RPTOR: variants seen among roughly 807,000 people sequenced by gnomAD.
RPTOR encodes regulatory-associated protein of mTOR.
A neutral mutation model predicts 169.9 loss-of-function variants in RPTOR; 21 were observed. That is an observed-to-expected ratio of 0.12 (90% CI 0.09 to 0.18). The LOEUF is 0.18. Among genes scored for constraint, RPTOR ranks in the 10% least tolerant of loss-of-function variants. The pLI, the probability that RPTOR is intolerant of heterozygous loss-of-function variation, is 1.00. For missense variants in RPTOR, 1,133 were observed against 1,855.9 expected (o/e 0.61, Z 7.16); for synonymous variants, 732 against 753.2 (o/e 0.97, Z 0.46).
At chr17:80,918,128 C>G (rs144876588) in intron 21 of RPTOR, among the ~76,000 whole-genome samples, 2 of 152,248 alleles carry the variant, frequency 1.3e-5, no homozygotes, top group Admixed American at 1.3e-4. Flanking sequence ...CATGCACATG[C>G]TCATTCCCCT....
chr17:80,855,134 G>A (rs901545742), intron 11 of RPTOR, among the ~76,000 whole-genome samples: 1 of 152,238 alleles, frequency 6.6e-6, no homozygotes, highest in African/African-American at 2.4e-5. Context: ...ATCAGTAAGA[G>A]AAGTGTGGAC....
chr17:80,948,299 G>A (rs902598143), intron 27 of RPTOR, among the ~76,000 whole-genome samples: 1 of 152,250 alleles, frequency 6.6e-6, no homozygotes, highest in Non-Finnish European at 1.5e-5. Flanking sequence ...CCATGGGGAC[G>A]TGTCCTCGTG....
chr17:80,731,296 A>G (rs1567880143), intron 5 of RPTOR, among the ~76,000 whole-genome samples: 2 of 152,276 alleles, frequency 1.3e-5, no homozygotes, highest in East Asian at 3.9e-4. Flanking sequence ...TGCCTCCAAG[A>G]TAAATGTGAA....
intron 1 of RPTOR, among the ~76,000 whole-genome samples, chr17:80,591,373 C>T (rs1249322028): frequency 1.4e-5 from 2 of 144,282 alleles, no homozygotes; most frequent in African/African-American, 2.6e-5. Context: ...TCTTTCCTTC[C>T]TTTCTTTTTT....
chr17:80,879,965 G>A (rs1021429724), intron 13 of RPTOR, among the ~76,000 whole-genome samples: 2 of 152,234 alleles, frequency 1.3e-5, no homozygotes, highest in Admixed American at 1.3e-4. Flanking sequence ...CCTCACACAC[G>A]ATTGGTTTTC....
At chr17:80,822,397 A>T in intron 8 of RPTOR, 96 bp downstream of exon 8, 1 of 1,204,104 alleles carries the variant, frequency 8.3e-7, no homozygotes. Flanking sequence ...AGGATCCGTG[A>T]GTGCCTCCCT....
At chr17:80,852,877 T>C (rs1598353888) in intron 11 of RPTOR, among the ~76,000 whole-genome samples, 1 of 150,546 alleles carries the variant, frequency 6.6e-6, no homozygotes, top group African/African-American at 2.5e-5. Flanking sequence ...TCCTCTCCCC[T>C]CCCCCGATCC....
chr17:80,627,996 G>A (rs1160134764), intron 2 of RPTOR, among the ~76,000 whole-genome samples: 7 of 151,912 alleles, frequency 4.6e-5, no homozygotes, highest in Admixed American at 2.0e-4. Flanking sequence ...GCGCCTCCAC[G>A]CCTGGCTAAT....
chr17:80,913,544 C>G (rs1044429623), intron 21 of RPTOR, among the ~76,000 whole-genome samples: 1 of 152,160 alleles, frequency 6.6e-6, no homozygotes. Context: ...CCTCGACCTC[C>G]TGGGCTCAAG....
At chr17:80,634,053 C>T (rs944106010) in intron 2 of RPTOR, among the ~76,000 whole-genome samples, 1 of 149,820 alleles carries the variant, frequency 6.7e-6, no homozygotes, top group Non-Finnish European at 1.5e-5. Flanking sequence ...CAAGGAAATG[C>T]ATGTGTGTGC....
At chr17:80,879,015 A>G (rs1598373368) in intron 13 of RPTOR, among the ~76,000 whole-genome samples, 1 of 150,798 alleles carries the variant, frequency 6.6e-6, no homozygotes, top group Non-Finnish European at 1.5e-5. Flanking sequence ...GGTCTTCAGC[A>G]CCACCCGATA....
chr17:80,824,906 C>A lies in RPTOR; in HGVS notation c.1136+1683C>A, dbSNP rs920906356. Among the ~76,000 whole-genome samples, 2 of 152,168 alleles carry A rather than the reference C, an allele frequency of 1.3e-5. 1 individual carries two copies. Among genetic ancestry groups the A allele is most frequent in the Non-Finnish European group, 2.9e-5 (2 of 68,044 alleles). ...AGAGGAGCCAGGAGGGATGAGCAGG[C>A]GAGGACAGGTGCAGGGAGGGGCATG... On this transcript the variant is annotated intron_variant, in intron 9 of 33. Transcript: ENST00000306801.
chr17:80,872,367 C>T (rs919833430), intron 13 of RPTOR, among the ~76,000 whole-genome samples: 8 of 152,212 alleles, frequency 5.3e-5, no homozygotes, highest in African/African-American at 1.4e-4. Context: ...CCAACACACC[C>T]TCATGCTATC....
At chr17:80,807,636 G>A (rs189794972) in intron 7 of RPTOR, among the ~76,000 whole-genome samples, 142 of 152,260 alleles carry the variant, frequency 9.3e-4, no homozygotes, top group Non-Finnish European at 1.8e-3. Context: ...ACAGGCATGA[G>A]CCACTGTGCC....
At chr17:80,638,392 T>G (rs1465299216) in intron 2 of RPTOR, among the ~76,000 whole-genome samples, 1 of 151,338 alleles carries the variant, frequency 6.6e-6, no homozygotes, top group Admixed American at 6.6e-5. Flanking sequence ...TTTAAAATGC[T>G]GTTTTCTTTT....
intron 5 of RPTOR, among the ~76,000 whole-genome samples, chr17:80,745,771 G>C (rs11868826): frequency 0.25 from 37,827 of 152,144 alleles, 4,777 homozygotes; most frequent in South Asian, 0.28. Flanking sequence ...ACTTGGTAAA[G>C]ACTCCTCTGG....
intron 1 of RPTOR, among the ~76,000 whole-genome samples, chr17:80,615,359 C>T (rs2143500387): frequency 6.6e-6 from 1 of 152,310 alleles, no homozygotes; most frequent in Non-Finnish European, 1.5e-5. Context: ...GTAGGTGCAT[C>T]TGATCATAGG....
rs1209919775 is a variant in RPTOR, at chr17:80,846,700, G to T, written c.1314+126G>T. On this transcript the variant is annotated intron_variant, in intron 11 of 33. Coordinates refer to ENST00000306801, the MANE Select transcript of RPTOR (RefSeq NM_020761.3). ...GGGTCTGTGACATCCCAGCCCCTCT[G>T]CCCCGAAGATGATGGTGCATGGGCA... The T allele has an allele frequency of 1.1e-5, 8 of 739,978 alleles. No homozygotes were observed. The Admixed American group carries it at 1.4e-4, about 13-fold the overall frequency. The allele number at this position is 739,978 out of a possible 1,614,324, so 45.8% of individuals were successfully genotyped here. A position where few individuals can be genotyped will look rare whatever the true frequency, so the allele number is the denominator to read the frequency against.
chr17:80,774,700 G>C (rs754238902), intron 6 of RPTOR, among the ~76,000 whole-genome samples: 11 of 152,194 alleles, frequency 7.2e-5, no homozygotes, highest in Non-Finnish European at 1.3e-4. Context: ...CTTTCGGCAG[G>C]GACAGTAATG....
Sources: gnomAD v4.1 joint callset for allele counts (sites outside exome capture counted in the v4.1 genomes callset) on GRCh38, gnomAD v4.1.1 for gene constraint, MANE v1.5 for transcripts, NCBI Gene and HGNC (gene_info 2026-07-23, HGNC 2026-07-21) for gene names.